The following IMPG1 variants were observed in gnomAD, a reference collection of about 807,000 sequenced individuals.
IMPG1 encodes the protein interphotoreceptor matrix proteoglycan of 150 kDa.
A neutral mutation model predicts 92.0 loss-of-function variants in IMPG1; 85 were observed. That is an observed-to-expected ratio of 0.92 (90% CI 0.78 to 1.11). The LOEUF is 1.11. Among genes scored for constraint, IMPG1 ranks in the 50% least tolerant of loss-of-function variants. The pLI is 0.00. For missense variants in IMPG1, 1,022 were observed against 956.0 expected, an observed-to-expected ratio of 1.07 and a Z score of -0.91; for synonymous variants, 367 against 334.1, an observed-to-expected ratio of 1.10 and a Z score of -1.08.
chr6:76,045,465 T>G, intron 1 of IMPG1, among the ~76,000 whole-genome samples: 1 of 145,320 alleles, frequency 6.9e-6, no homozygotes, highest in East Asian at 2.0e-4. Flanking sequence ...TTTTTTGGTA[T>G]AACACAAATA....
At chr6:75,974,504 G>A (rs2149467132) in intron 12 of IMPG1, among the ~76,000 whole-genome samples, 1 of 127,118 alleles carries the variant, frequency 7.9e-6, no homozygotes, top group South Asian at 2.5e-4. Context: ...TTGAGATGAA[G>A]TTTCGCCCAG....
At chr6:76,002,813 C>G (rs565801158) in intron 12 of IMPG1, 105 bp downstream of exon 12, 12 of 852,694 alleles carry the variant, frequency 1.4e-5, no homozygotes, top group East Asian at 1.3e-4. Flanking sequence ...GAACCTTTTC[C>G]TGGGTTCGGG....
At position 75,950,587 on chromosome 6, in the gene IMPG1, G is replaced by A. The variant is rs771669041; in HGVS notation, c.1799C>T (p.Ala600Val). 2 of 1,612,008 alleles carry A rather than the reference G, an allele frequency of 1.2e-6. No homozygotes were observed. Among genetic ancestry groups the A allele is most frequent in the South Asian group, 1.1e-5 (1 of 90,718 alleles). The part of the protein sequence containing the change: ...LFNKSSLEYR[A>V]LEQQFTQLLV... Reference sequence around the variant, plus strand: ...CAGCTGTGTGAATTGTTGCTCCAGAGCTCGGTACTCCAGAGAGCTCTTGTT... The same window carrying A: ...CAGCTGTGTGAATTGTTGCTCCAGAACTCGGTACTCCAGAGAGCTCTTGTT... The change falls in exon 13 of 17, where the codon GCT becomes GTT. Residue 600 changes from alanine to valine, a missense_variant. Coordinates refer to ENST00000369950, the MANE Select transcript of IMPG1 (RefSeq NM_001563.4).
intron 2 of IMPG1, among the ~76,000 whole-genome samples, chr6:76,039,298 C>A (rs1166689001): frequency 4.0e-5 from 6 of 151,850 alleles, no homozygotes; most frequent in Admixed American, 3.9e-4. Flanking sequence ...AGAACTAGGA[C>A]CCTATCCATC....
rs1304574267 is a variant in IMPG1 at position 76,041,874 on chromosome 6, G to C, written c.301+19C>G. The C allele has an allele frequency of 1.5e-5, 22 of 1,494,580 alleles. No individual in the cohort carries two copies. The highest frequency in any genetic ancestry group is 2.1e-5 in the Non-Finnish European group (22 of 1,071,354). 92.6% of individuals were successfully genotyped at this position (1,494,580 alleles called of 1,614,324 possible). A position where few individuals can be genotyped will look rare whatever the true frequency, so the allele number is the denominator to read the frequency against. On this transcript the variant is annotated intron_variant, in intron 2 of 16. Coordinates refer to ENST00000369950, the MANE Select transcript of IMPG1 (RefSeq NM_001563.4). ...GATGGAAATAACACAAGGCTAAACG[G>C]TTTCATCTCTTTCCTTACCTCTCAA...
At chr6:75,983,886 C>G (rs1055733315) in intron 12 of IMPG1, among the ~76,000 whole-genome samples, 1 of 151,822 alleles carries the variant, frequency 6.6e-6, no homozygotes. Flanking sequence ...AAGCAAATAA[C>G]CTGACTAAAA....
At chr6:76,070,601 A>G (rs1481374189) in intron 1 of IMPG1, among the ~76,000 whole-genome samples, 1 of 152,144 alleles carries the variant, frequency 6.6e-6, no homozygotes, top group Non-Finnish European at 1.5e-5. Flanking sequence ...TAAAGAAAAT[A>G]TCGTTATATA....
intron 14 of IMPG1, among the ~76,000 whole-genome samples, chr6:75,946,740 G>T (rs1324966799): frequency 3.9e-5 from 6 of 152,142 alleles, no homozygotes; most frequent in Admixed American, 2.0e-4. Flanking sequence ...AAGCTGATCT[G>T]TAGTATACAA....
rs1380805716 is a variant in IMPG1, at chr6:76,069,513, C to A, written c.67+2909G>T. Among the ~76,000 whole-genome samples, 3 of 152,134 alleles carry A rather than the reference C, an allele frequency of 2.0e-5. No homozygotes were observed. In the East Asian group the frequency reaches 5.8e-4, roughly 29 times the overall value. The stretch of plus-strand genomic sequence containing the variant: ...TAATATCCAGAATCTATAAGGAACA[C>A]AAACAACTCAACAGAAAATACTAAA... On this transcript the variant is annotated intron_variant, in intron 1 of 16. Transcript: ENST00000369950.
At chr6:76,049,352 A>G (rs749787106) in intron 1 of IMPG1, among the ~76,000 whole-genome samples, 4 of 152,168 alleles carry the variant, frequency 2.6e-5, no homozygotes, top group African/African-American at 4.8e-5. Context: ...AGTTAAAATA[A>G]AAAAAGATTT....
Position 76,025,191 on chromosome 6 carries a change from T to G in IMPG1, c.562+3A>C, listed in dbSNP as rs748069096. The G allele has an allele frequency of 6.4e-7, 1 of 1,571,308 alleles. No homozygotes were observed. The highest frequency in any genetic ancestry group is 1.4e-5 in the African/African-American group (1 of 73,976). ...GAAGCAAAGAAATTAGATCTAAGCTTACCTGTTGAAATGACAATGGTTTCA... is the reference window on the plus strand; with the variant it reads ...GAAGCAAAGAAATTAGATCTAAGCTGACCTGTTGAAATGACAATGGTTTCA... On this transcript the variant is annotated splice_donor_region_variant and intron_variant, in intron 5 of 16. Transcript: ENST00000369950.
At chr6:75,951,997 A>G (rs902074690) in intron 12 of IMPG1, among the ~76,000 whole-genome samples, 14 of 152,142 alleles carry the variant, frequency 9.2e-5, no homozygotes, top group African/African-American at 3.4e-4. Context: ...CCACAGTTAC[A>G]TTATTACGCT....
rs955230583 is a variant in IMPG1, at chr6:76,041,879, A to G, written c.301+14T>C. The stretch of plus-strand genomic sequence containing the variant: ...AAATAACACAAGGCTAAACGGTTTC[A>G]TCTCTTTCCTTACCTCTCAATCTAT... On this transcript the variant is annotated intron_variant, in intron 2 of 16. Transcript: ENST00000369950. The G allele has an allele frequency of 1.3e-6, 2 of 1,529,972 alleles. No homozygotes were observed. Among genetic ancestry groups the G allele is most frequent in the South Asian group, 1.1e-5 (1 of 89,338 alleles). 94.8% of individuals were successfully genotyped at this position (1,529,972 alleles called of 1,614,324 possible). A position where few individuals can be genotyped will look rare whatever the true frequency, so the allele number is the denominator to read the frequency against.
At chr6:75,923,117 T>G (rs1419144751) in intron 16 of IMPG1, among the ~76,000 whole-genome samples, 7 of 152,214 alleles carry the variant, frequency 4.6e-5, no homozygotes, top group African/African-American at 1.7e-4. Flanking sequence ...AATAAAATTA[T>G]TTTAGTAAAA....
chr6:75,925,693 T>C (rs1781538258), intron 15 of IMPG1, among the ~76,000 whole-genome samples: 1 of 152,102 alleles, frequency 6.6e-6, no homozygotes. Context: ...TTTGAGACAG[T>C]CTCGCTCTGT....
At chr6:76,013,582 T>C (rs1260751999) in intron 7 of IMPG1, among the ~76,000 whole-genome samples, 3 of 152,174 alleles carry the variant, frequency 2.0e-5, no homozygotes, top group Non-Finnish European at 4.4e-5. Context: ...GTATACCCCA[T>C]AAAAGTCTGT....
intron 6 of IMPG1, among the ~76,000 whole-genome samples, chr6:76,020,003 C>A (rs1783388381): frequency 6.6e-6 from 1 of 152,092 alleles, no homozygotes; most frequent in African/African-American, 2.4e-5. Context: ...GTACTTTTCA[C>A]TGTTGAGGGA....
intron 10 of IMPG1, 125 bp downstream of exon 10, chr6:76,005,162 T>C (rs1783071279): frequency 1.1e-6 from 1 of 910,760 alleles, no homozygotes; most frequent in Admixed American, 2.2e-5. Context: ...ACCATATGTA[T>C]TCCTGTCACA....
intron 12 of IMPG1, among the ~76,000 whole-genome samples, chr6:75,974,779 G>A (rs1400184936): frequency 6.6e-6 from 1 of 152,092 alleles, no homozygotes; most frequent in Admixed American, 6.6e-5. Flanking sequence ...GCCTCCTAAA[G>A]TGCTGGGACT....
Sources: gnomAD v4.1 joint callset for allele counts (sites outside exome capture counted in the v4.1 genomes callset) on GRCh38, gnomAD v4.1.1 for gene constraint, MANE v1.5 for transcripts, NCBI Gene and HGNC (gene_info 2026-07-23, HGNC 2026-07-21) for gene names.